Variants in MAPK10 observed in about 807,000 individuals in gnomAD.
The protein encoded by MAPK10 is mitogen-activated protein kinase 10.
In MAPK10, 25 loss-of-function variants were observed where a neutral mutation model predicts 59.3. That is an observed-to-expected ratio of 0.42 (90% CI 0.31 to 0.59). The LOEUF (loss-of-function observed/expected upper bound fraction) is 0.59, where lower values mean the gene tolerates loss of function less well. MAPK10 is among the 20% of genes least tolerant of loss of function. The pLI, the probability that MAPK10 is intolerant of heterozygous loss-of-function variation, is 0.15. For synonymous variants in MAPK10, 190 were observed against 200.5 expected, an observed-to-expected ratio of 0.95 and a Z score of 0.44; for missense variants, 351 against 568.9, an observed-to-expected ratio of 0.62 and a Z score of 3.90.
chr4:86,285,718 T>C (rs1205023939), intron 2 of MAPK10, among the ~76,000 whole-genome samples: 1 of 152,178 alleles, frequency 6.6e-6, no homozygotes, highest in African/African-American at 2.4e-5. Context: ...AGATTTATTA[T>C]AGGAATTGGC....
chr4:86,110,106 T>C (rs753166969), intron 4 of MAPK10, among the ~76,000 whole-genome samples: 1 of 152,226 alleles, frequency 6.6e-6, no homozygotes, highest in Non-Finnish European at 1.5e-5. Flanking sequence ...TTTAAATTTC[T>C]TGTAGACTCT....
At chr4:86,530,984 T>C (rs1187622110) in intron 1 of MAPK10, among the ~76,000 whole-genome samples, 1 of 152,094 alleles carries the variant, frequency 6.6e-6, no homozygotes, top group Admixed American at 6.6e-5. Context: ...CATGATGAGA[T>C]CTGGACCATG....
intron 1 of MAPK10, among the ~76,000 whole-genome samples, chr4:86,508,336 G>T (rs1755959759): frequency 2.6e-5 from 4 of 152,132 alleles, no homozygotes; most frequent in Admixed American, 1.3e-4. Context: ...CCTCCCTTTG[G>T]TGAGTTCTTT....
intron 9 of MAPK10, among the ~76,000 whole-genome samples, chr4:86,083,194 AC>A (rs1337841232): frequency 6.6e-6 from 1 of 152,140 alleles, no homozygotes; most frequent in African/African-American, 2.4e-5. Flanking sequence ...CCCTGAAAGG[AC>A]CCCAATTTAA....
chr4:86,139,771 T>A (rs1437783082), intron 4 of MAPK10, among the ~76,000 whole-genome samples: 1 of 151,694 alleles, frequency 6.6e-6, no homozygotes, highest in Non-Finnish European at 1.5e-5. Flanking sequence ...GAAAATTTTC[T>A]CAACCTACTC....
chr4:86,353,431 A>G (rs1176663739), intron 2 of MAPK10, among the ~76,000 whole-genome samples: 2 of 152,178 alleles, frequency 1.3e-5, no homozygotes, highest in African/African-American at 2.4e-5. Flanking sequence ...GGAGTAACAC[A>G]TAATATATTA....
chr4:86,080,362 G>GACTA (rs1351659504), intron 9 of MAPK10: 3 of 150,638 alleles, frequency 2.0e-5, no homozygotes, highest in African/African-American at 7.3e-5. Context: ...CTCCTAAAAT[G>GACTA]ACTATTACAC....
At chr4:86,160,399 G>A (rs2069185138) in intron 3 of MAPK10, 1 of 151,964 alleles carries the variant, frequency 6.6e-6, no homozygotes. Flanking sequence ...CCTTCTTGCT[G>A]ATTTTGTTCA....
At chr4:86,083,298 C>A (rs1248118038) in intron 9 of MAPK10, among the ~76,000 whole-genome samples, 1 of 152,082 alleles carries the variant, frequency 6.6e-6, no homozygotes, top group Non-Finnish European at 1.5e-5. Context: ...CTGAAAGAAG[C>A]ACTGAAGAGG....
At chr4:86,138,442 T>G (rs1209630880) in intron 4 of MAPK10, among the ~76,000 whole-genome samples, 95 of 129,764 alleles carry the variant, frequency 7.3e-4, no homozygotes, top group African/African-American at 2.2e-3. Flanking sequence ...AACCACATGA[T>G]TATCTCAATA....
chr4:86,383,599 T>C (rs1225165418), intron 1 of MAPK10, among the ~76,000 whole-genome samples: 1 of 152,208 alleles, frequency 6.6e-6, no homozygotes, highest in Non-Finnish European at 1.5e-5. Flanking sequence ...ATTGTACTTT[T>C]ATATCACTTC....
intron 1 of MAPK10, among the ~76,000 whole-genome samples, chr4:86,397,874 A>AG (rs889610665): frequency 2.7e-5 from 4 of 150,928 alleles, no homozygotes; most frequent in African/African-American, 9.7e-5. Context: ...CAAAAAAAAA[A>AG]AAAAAAAAAA....
At chr4:86,299,647 T>C (rs907385808) in intron 2 of MAPK10, among the ~76,000 whole-genome samples, 1 of 152,228 alleles carries the variant, frequency 6.6e-6, no homozygotes, top group Non-Finnish European at 1.5e-5. Flanking sequence ...TAAGATATTT[T>C]GTACATTTAT....
intron 9 of MAPK10, chr4:86,090,286 A>G (rs529008733): frequency 2.6e-5 from 4 of 152,154 alleles, no homozygotes; most frequent in Non-Finnish European, 4.4e-5. Context: ...GCAGCACAAT[A>G]TAATTTTGCT....
At chr4:86,163,495 T>C (rs1236085363) in intron 3 of MAPK10, among the ~76,000 whole-genome samples, 1 of 152,090 alleles carries the variant, frequency 6.6e-6, no homozygotes, top group African/African-American at 2.4e-5. Flanking sequence ...TTTCCTGAGT[T>C]CAAGTCATAG....
chr4:86,036,379 GA>G (rs2040301570), intron 11 of MAPK10, among the ~76,000 whole-genome samples: 1 of 150,530 alleles, frequency 6.6e-6, no homozygotes, highest in Non-Finnish European at 1.5e-5. Flanking sequence ...TGTGACACTA[GA>G]AAAACTATAA....
chr4:86,144,861 C>T (rs190423708), intron 4 of MAPK10, among the ~76,000 whole-genome samples: 1 of 152,144 alleles, frequency 6.6e-6, no homozygotes, highest in Admixed American at 6.5e-5. Context: ...TAAAGGAATA[C>T]AAATGTTAAA....
chr4:86,445,792 T>C (rs758493572), intron 1 of MAPK10, among the ~76,000 whole-genome samples: 6 of 151,890 alleles, frequency 4.0e-5, no homozygotes, highest in Non-Finnish European at 7.4e-5. Flanking sequence ...CCTTCAAAAG[T>C]GTAAGAGGCT....
At chr4:86,213,904 A>C (rs1362188126) in intron 2 of MAPK10, among the ~76,000 whole-genome samples, 1 of 152,096 alleles carries the variant, frequency 6.6e-6, no homozygotes, top group African/African-American at 2.4e-5. Flanking sequence ...AAAGCCAGAC[A>C]AAGATATTAC....
Sources: gnomAD v4.1 joint callset for allele counts (sites outside exome capture counted in the v4.1 genomes callset) on GRCh38, gnomAD v4.1.1 for gene constraint, MANE v1.5 for transcripts, NCBI Gene and HGNC (gene_info 2026-07-23, HGNC 2026-07-21) for gene names.